AKAP6: variants seen among roughly 807,000 people sequenced by gnomAD.
AKAP6 encodes A-kinase anchor protein 6.
AKAP6 carries 58 observed loss-of-function variants against 188.5 expected under a neutral mutation model. The observed-to-expected ratio is 0.31, with a 90% CI of 0.25 to 0.38. The LOEUF (loss-of-function observed/expected upper bound fraction) is 0.38, where lower values mean the gene tolerates loss of function less well. Ranked by LOEUF, AKAP6 falls within the 10% of genes least tolerant of loss-of-function variation. The probability of loss-of-function intolerance (pLI) is 1.00; values close to 1 mark genes in which losing one functional copy is unlikely to be tolerated. For missense variants in AKAP6, 2,710 were observed against 2,740.0 expected, an observed-to-expected ratio of 0.99 and a Z score of 0.24; for synonymous variants, 989 against 998.6, an observed-to-expected ratio of 0.99 and a Z score of 0.18.
intron 9 of AKAP6, among the ~76,000 whole-genome samples, chr14:32,703,797 G>A (rs1185362131): frequency 6.6e-6 from 1 of 152,210 alleles, no homozygotes; most frequent in East Asian, 1.9e-4. Context: ...TCTCATTTCA[G>A]TAAAGAGGCT....
At chr14:32,703,790 C>T (rs1266704080) in intron 9 of AKAP6, among the ~76,000 whole-genome samples, 1 of 152,188 alleles carries the variant, frequency 6.6e-6, no homozygotes, top group African/African-American at 2.4e-5. Context: ...TTTACTATCT[C>T]ATTTCAGTAA....
At position 32,331,097 on chromosome 14, in the gene AKAP6, A is replaced by G. The variant is rs550180516; in HGVS notation, c.-35+1689A>G. Among the ~76,000 whole-genome samples, 4 of 152,056 alleles carry G rather than the reference A, an allele frequency of 2.6e-5. No homozygotes were observed. The South Asian group carries it at 8.3e-4, about 31-fold the overall frequency. On this transcript the variant is annotated intron_variant, in intron 1 of 13. Coordinates refer to ENST00000280979, the MANE Select transcript of AKAP6 (RefSeq NM_004274.5). Reference sequence around the variant, plus strand: ...AAAGTATGTCTTGTAGCTAGATTATAAATCTGGATAAAATCACTTAGTGCC... The same window carrying G: ...AAAGTATGTCTTGTAGCTAGATTATGAATCTGGATAAAATCACTTAGTGCC...
intron 1 of AKAP6, among the ~76,000 whole-genome samples, chr14:32,334,818 C>G (rs914983652): frequency 5.9e-5 from 9 of 152,188 alleles, no homozygotes; most frequent in Admixed American, 5.2e-4. Flanking sequence ...CTTTGTTTTC[C>G]TCATAAGCCA....
At chr14:32,727,167 C>T (rs1407372343) in intron 9 of AKAP6, among the ~76,000 whole-genome samples, 3 of 152,096 alleles carry the variant, frequency 2.0e-5, no homozygotes, top group Non-Finnish European at 2.9e-5. Context: ...CTAAATTTTA[C>T]CTATAGGAGA....
intron 12 of AKAP6, among the ~76,000 whole-genome samples, chr14:32,776,300 C>T (rs1159614883): frequency 6.6e-6 from 1 of 152,034 alleles, no homozygotes; most frequent in Non-Finnish European, 1.5e-5. Context: ...GGTGGTTTCC[C>T]CCATACTGTT....
Position 32,535,665 on chromosome 14 carries a change from G to A in AKAP6, c.436G>A (p.Ala146Thr), listed in dbSNP as rs774949614. 1.4e-5 allele frequency: 22 copies of A among 1,614,206 alleles called. No homozygotes were observed. Among genetic ancestry groups the A allele is most frequent in the Admixed American group, 6.7e-5 (4 of 60,034 alleles). ...TGTCAACGTGATAGTGGACATCCAC[G>A]CAGTGCAGCTCCTCTGGCACCAGCT... ...YSVNVIVDIHAVQLLWHQLRV... is the reference protein window; with the variant it reads ...YSVNVIVDIHTVQLLWHQLRV... The change falls in exon 3 of 14, where the codon GCA becomes ACA. Residue 146 changes from alanine to threonine, a missense_variant. By Grantham distance (58) the Ala-to-Thr change is moderately conservative. This residue lies in a region of AKAP6 where 237 missense variants were observed against 313.9 expected (regional missense o/e 0.76). Coordinates refer to ENST00000280979, the MANE Select transcript of AKAP6 (RefSeq NM_004274.5).
chr14:32,403,920 T>C (rs1300718315), intron 1 of AKAP6, among the ~76,000 whole-genome samples: 1 of 152,176 alleles, frequency 6.6e-6, no homozygotes, highest in African/African-American at 2.4e-5. Flanking sequence ...TGAATTATTT[T>C]GCAGAAATTA....
intron 7 of AKAP6, among the ~76,000 whole-genome samples, chr14:32,648,806 T>C (rs1888088396): frequency 6.6e-6 from 1 of 152,066 alleles, no homozygotes; most frequent in Non-Finnish European, 1.5e-5. Context: ...ATGTAGGAAA[T>C]CCAATTAAGC....
At chr14:32,335,813 AT>A (rs59224838) in intron 1 of AKAP6, among the ~76,000 whole-genome samples, 10,219 of 54,414 alleles carry the variant, frequency 0.19, 455 homozygotes, top group Non-Finnish European at 0.21. Flanking sequence ...CTGTCTGGGT[AT>A]TTTTTTTTTT....
intron 11 of AKAP6, among the ~76,000 whole-genome samples, chr14:32,750,738 T>TTG (rs1428838855): frequency 1.0e-4 from 3 of 29,236 alleles, no homozygotes; most frequent in South Asian, 2.2e-3. Context: ...ATTAATTTTG[T>TTG]TTTTTTTTTT....
At chr14:32,763,956 CA>C (rs1446506437) in intron 11 of AKAP6, among the ~76,000 whole-genome samples, 7 of 152,136 alleles carry the variant, frequency 4.6e-5, no homozygotes, top group African/African-American at 1.7e-4. Flanking sequence ...TTCCAAGATA[CA>C]AATTCTTATT....
intron 11 of AKAP6, among the ~76,000 whole-genome samples, chr14:32,745,461 T>TTCTCTCTCTCTCTCTCTCTC (rs71115094): frequency 6.4e-5 from 9 of 141,430 alleles, no homozygotes; most frequent in East Asian, 2.1e-4. Context: ...TATTTATTCA[T>TTCTCTCTCTCTCTCTCTCTC]TCTCTCTCTC....
chr14:32,607,298 T>G (rs1886163934), intron 7 of AKAP6, among the ~76,000 whole-genome samples: 1 of 152,228 alleles, frequency 6.6e-6, no homozygotes, highest in Non-Finnish European at 1.5e-5. Flanking sequence ...ACAGTGCTAA[T>G]GCAATCAATG....
chr14:32,528,661 T>C (rs947877581), intron 2 of AKAP6, among the ~76,000 whole-genome samples: 6 of 152,156 alleles, frequency 3.9e-5, no homozygotes, highest in African/African-American at 1.4e-4. Context: ...CTGGGTCTTT[T>C]GCCTCACATA....
At chr14:32,685,193 G>A (rs1365779028) in intron 8 of AKAP6, among the ~76,000 whole-genome samples, 1 of 152,132 alleles carries the variant, frequency 6.6e-6, no homozygotes, top group Non-Finnish European at 1.5e-5. Context: ...GAGCCCAGGA[G>A]GTTGAGGCTG....
intron 7 of AKAP6, among the ~76,000 whole-genome samples, chr14:32,601,862 T>C (rs1885939563): frequency 6.6e-6 from 1 of 152,188 alleles, no homozygotes; most frequent in African/African-American, 2.4e-5. Context: ...TTGAGACCCA[T>C]GCAGCCAGTG....
chr14:32,523,669 T>C (rs1464640405), intron 2 of AKAP6, among the ~76,000 whole-genome samples: 1 of 151,766 alleles, frequency 6.6e-6, no homozygotes, highest in Non-Finnish European at 1.5e-5. Flanking sequence ...GGGTCTCACT[T>C]TGTCGCCCAG....
At chr14:32,512,738 ACAGT>A (rs1358186759) in intron 2 of AKAP6, among the ~76,000 whole-genome samples, 2 of 152,182 alleles carry the variant, frequency 1.3e-5, no homozygotes, top group East Asian at 1.9e-4. Flanking sequence ...TATAATACGG[ACAGT>A]CAGTCAAGCA....
At chr14:32,376,450 G>A (rs570100109) in intron 1 of AKAP6, among the ~76,000 whole-genome samples, 9 of 152,116 alleles carry the variant, frequency 5.9e-5, no homozygotes, top group Middle Eastern at 3.2e-3. Flanking sequence ...TGGAGTCTAC[G>A]TCTGTTTCAT....
Sources: allele counts gnomAD v4.1 joint callset (sites outside exome capture counted in the v4.1 genomes callset), GRCh38; gene constraint gnomAD v4.1.1; regional missense constraint gnomAD v4.1.1; transcripts MANE v1.5; gene names NCBI Gene and HGNC (gene_info 2026-07-23, HGNC 2026-07-21).